MIPOL1: variants seen among roughly 807,000 people sequenced by gnomAD.
The protein encoded by MIPOL1 is mirror-image polydactyly gene 1 protein.
MIPOL1 carries 57 observed loss-of-function variants against 60.9 expected under a neutral mutation model. The observed-to-expected ratio is 0.94, with a 90% CI of 0.76 to 1.17. MIPOL1 has a LOEUF of 1.17. MIPOL1 is among the 50% of genes most tolerant of loss of function. The pLI is 0.00. For missense variants in MIPOL1, 551 were observed against 511.6 expected (o/e 1.08, Z -0.74); for synonymous variants, 179 against 168.8 (o/e 1.06, Z -0.47).
At chr14:37,351,544 A>G (rs1192989062) in intron 9 of MIPOL1, among the ~76,000 whole-genome samples, 4 of 149,528 alleles carry the variant, frequency 2.7e-5, no homozygotes, top group African/African-American at 9.8e-5. Context: ...AAGCGTTCCT[A>G]TTTCTCCACA....
intron 11 of MIPOL1, among the ~76,000 whole-genome samples, chr14:37,453,465 A>G (rs1472320392): frequency 6.6e-6 from 1 of 152,138 alleles, no homozygotes; most frequent in Non-Finnish European, 1.5e-5. Context: ...GTTTTGAAAA[A>G]CAAAAGTTAT....
chr14:37,248,140 GA>G (rs1973474376), intron 3 of MIPOL1, among the ~76,000 whole-genome samples: 1 of 151,102 alleles, frequency 6.6e-6, no homozygotes, highest in African/African-American at 2.4e-5. Flanking sequence ...GCACACAGAG[GA>G]GACACAGAAA....
intron 10 of MIPOL1, among the ~76,000 whole-genome samples, chr14:37,386,519 G>C (rs926474569): frequency 6.6e-6 from 1 of 151,664 alleles, no homozygotes; most frequent in African/African-American, 2.4e-5. Context: ...AAACCCTTTT[G>C]AGAAGCCAAT....
At chr14:37,269,595 C>T (rs977650236) in intron 5 of MIPOL1, among the ~76,000 whole-genome samples, 1 of 151,872 alleles carries the variant, frequency 6.6e-6, no homozygotes, top group African/African-American at 2.4e-5. Flanking sequence ...TATTACATGC[C>T]ACTTATGAGT....
chr14:37,543,558 T>A (rs2153642428), intron 12 of MIPOL1, among the ~76,000 whole-genome samples: 1 of 152,360 alleles, frequency 6.6e-6, no homozygotes, highest in East Asian at 1.9e-4. Flanking sequence ...ACTACAGGCG[T>A]GAGCCACCTT....
chr14:37,346,548 C>G (rs2090959760), intron 9 of MIPOL1, among the ~76,000 whole-genome samples: 1 of 152,002 alleles, frequency 6.6e-6, no homozygotes, highest in South Asian at 2.1e-4. Context: ...GCCTGAAAGT[C>G]CCCCTGCCAA....
At chr14:37,259,603 G>T (rs544057292) in intron 3 of MIPOL1, among the ~76,000 whole-genome samples, 1 of 151,854 alleles carries the variant, frequency 6.6e-6, no homozygotes, top group Admixed American at 6.6e-5. Flanking sequence ...ATCACTGTCT[G>T]TGCTTTCCAA....
chr14:37,446,025 T>G (rs1566618635), intron 11 of MIPOL1, among the ~76,000 whole-genome samples: 1 of 152,138 alleles, frequency 6.6e-6, no homozygotes, highest in Non-Finnish European at 1.5e-5. Context: ...AAGGACTTCA[T>G]GTCTAAAACA....
At chr14:37,474,115 A>T (rs1263039841) in intron 11 of MIPOL1, among the ~76,000 whole-genome samples, 2 of 152,188 alleles carry the variant, frequency 1.3e-5, no homozygotes, top group Non-Finnish European at 2.9e-5. Flanking sequence ...TTTTATCATT[A>T]AAAAATATTC....
chr14:37,313,897 G>A, intron 9 of MIPOL1, among the ~76,000 whole-genome samples: 1 of 152,094 alleles, frequency 6.6e-6, no homozygotes, highest in Non-Finnish European at 1.5e-5. Flanking sequence ...TACTTTTCAG[G>A]TATTTTCACA....
At chr14:37,410,916 CAT>C (rs1376292133) in intron 10 of MIPOL1, among the ~76,000 whole-genome samples, 11 of 151,550 alleles carry the variant, frequency 7.3e-5, no homozygotes, top group African/African-American at 1.2e-4. Flanking sequence ...AAAAATATAA[CAT>C]AGAACTAGCG....
intron 1 of MIPOL1, among the ~76,000 whole-genome samples, chr14:37,201,132 T>C (rs1258710010): frequency 6.6e-6 from 1 of 151,996 alleles, no homozygotes; most frequent in Non-Finnish European, 1.5e-5. Flanking sequence ...TTTAAACTCC[T>C]GAGCTCAAGT....
chr14:37,380,650 A>G (rs1335562595), intron 10 of MIPOL1, among the ~76,000 whole-genome samples: 1 of 152,176 alleles, frequency 6.6e-6, no homozygotes, highest in African/African-American at 2.4e-5. Context: ...ATACTTGCAT[A>G]TAATTGCTTT....
At chr14:37,430,018 G>A (rs953801067) in intron 11 of MIPOL1, among the ~76,000 whole-genome samples, 6 of 152,036 alleles carry the variant, frequency 3.9e-5, no homozygotes, top group East Asian at 1.9e-4. Context: ...TCCTGACCTC[G>A]TTAGTTGTAT....
chr14:37,219,979 C>T lies in MIPOL1; in HGVS notation c.-199+21875C>T, dbSNP rs535368893. Among the ~76,000 whole-genome samples, 5 of 150,344 alleles carry T rather than the reference C, an allele frequency of 3.3e-5. No individual in the cohort carries two copies. The South Asian group carries it at 1.0e-3, about 31-fold the overall frequency. On this transcript the variant is annotated intron_variant, in intron 1 of 12. Coordinates refer to ENST00000684589, the MANE Select transcript of MIPOL1 (RefSeq NM_001388067.1). ...CCTGCTTTCTTTTGATTAGTATTTGCATGCTTTTTTCATTGTGCTCTATTA... is the reference window on the plus strand; with the variant it reads ...CCTGCTTTCTTTTGATTAGTATTTGTATGCTTTTTTCATTGTGCTCTATTA...
chr14:37,368,199 GTTATT>G (rs2153493997), intron 9 of MIPOL1, among the ~76,000 whole-genome samples: 1 of 151,878 alleles, frequency 6.6e-6, no homozygotes, highest in African/African-American at 2.4e-5. Flanking sequence ...TGATATTATG[GTTATT>G]TTATTTATTT....
intron 12 of MIPOL1, among the ~76,000 whole-genome samples, chr14:37,534,537 C>T (rs1367305497): frequency 6.6e-6 from 1 of 152,050 alleles, no homozygotes; most frequent in Non-Finnish European, 1.5e-5. Context: ...TTTTTGAGAG[C>T]CTGTTGGGCT....
intron 9 of MIPOL1, among the ~76,000 whole-genome samples, chr14:37,361,784 T>G (rs2092269873): frequency 6.6e-6 from 1 of 152,004 alleles, no homozygotes; most frequent in Non-Finnish European, 1.5e-5. Context: ...ATTTTTTGTA[T>G]TTTTCGTAGA....
chr14:37,230,617 T>C lies in MIPOL1; in HGVS notation c.-198-16486T>C, dbSNP rs370336538. On this transcript the variant is annotated intron_variant, in intron 1 of 12. Coordinates refer to ENST00000684589, the MANE Select transcript of MIPOL1 (RefSeq NM_001388067.1). ...CCCAAGTATTCATAAATATTACTTA[T>C]CAAATGAGAAATTTTGGTCAGAATC... Among the ~76,000 whole-genome samples the C allele has an allele frequency of 7.8e-4, 119 of 152,368 alleles. 1 individual carries two copies. The South Asian group carries it at 0.024, about 30-fold the overall frequency.
Sources: gnomAD v4.1 joint callset for allele counts (sites outside exome capture counted in the v4.1 genomes callset) on GRCh38, gnomAD v4.1.1 for gene constraint, MANE v1.5 for transcripts, NCBI Gene and HGNC (gene_info 2026-07-23, HGNC 2026-07-21) for gene names.